Variants in SLC22A31 observed in about 807,000 individuals in gnomAD.
SLC22A31 encodes putative solute carrier family 22 member 31.
Under a neutral mutation model 27.4 loss-of-function variants are expected in SLC22A31, and 42 were observed. That is an observed-to-expected ratio of 1.53 (90% CI 1.20 to 1.98). The LOEUF is 1.98. SLC22A31 is among the 30% of genes most tolerant of loss of function. The pLI is 0.00. For synonymous variants in SLC22A31, 290 were observed against 230.8 expected, an observed-to-expected ratio of 1.26 and a Z score of -2.33; for missense variants, 593 against 479.9, an observed-to-expected ratio of 1.24 and a Z score of -2.20.
rs1916372449 is a variant in SLC22A31, at chr16:89,199,772, C to G, written c.69G>C (p.Gln23His). Residue 23 changes from glutamine to histidine, a missense_variant, in exon 2 of 9, where the codon CAG (glutamine) becomes CAC (histidine). By Grantham distance (24) the Gln-to-His change is conservative. Coordinates refer to ENST00000682282, the MANE Select transcript of SLC22A31 (RefSeq NM_001384763.1). ...CGDGWKVPLE[Q>H]VSHLLGWLLG... ...GCAGCCAGCCCAGGAGGTGGCTCAC[C>G]TGCTCCAGCGGGACCTTCCAGCCGT... 4.9e-6 allele frequency: 2 copies of G among 404,056 alleles called. No homozygotes were observed. Among genetic ancestry groups the G allele is most frequent in the African/African-American group, 4.1e-5 (2 of 48,714 alleles). The allele number at this position is 404,056 out of a possible 1,614,324, so 25.0% of individuals were successfully genotyped here.
chr16:89,199,060 C>T lies in SLC22A31; in HGVS notation c.415G>A (p.Gly139Ser). ...VQDWRLLQGL[G>S]ALMSGLLLLF... Reference sequence around the variant, plus strand: ...AGCAAGAGTCCACTCATCAGGGCACCCAGCCCCTGCAGAAGACGCCAGTCC... The same window carrying T: ...AGCAAGAGTCCACTCATCAGGGCACTCAGCCCCTGCAGAAGACGCCAGTCC... The change falls in exon 4 of 9, where the codon GGT (glycine) becomes AGT (serine). Residue 139 changes from glycine (G) to serine (S), a missense_variant. Coordinates refer to ENST00000682282, the MANE Select transcript of SLC22A31 (RefSeq NM_001384763.1). 3 of 1,535,596 alleles carry T rather than the reference C, an allele frequency of 2.0e-6. No homozygotes were observed. Among genetic ancestry groups the T allele is most frequent in the South Asian group, 1.2e-5 (1 of 84,038 alleles).
Position 89,198,504 on chromosome 16 carries a change from G to T in SLC22A31, c.645C>A (p.Ser215=), listed in dbSNP as rs1396159711. 5.3e-6 allele frequency: 8 copies of T among 1,516,056 alleles called. No individual in the cohort carries two copies. Among genetic ancestry groups the T allele is most frequent in the South Asian group, 1.2e-5 (1 of 81,422 alleles). The allele number at this position is 1,516,056 out of a possible 1,614,324, so 93.9% of individuals were successfully genotyped here. ...SARSPQPRYH[S]PLGLLRTRVT... ...CTCGGGTACGCAGAAGCCCCAGTGGGGAGTGGTACCGGGGCTGGGGGCTCC... is the reference window on the plus strand; with the variant it reads ...CTCGGGTACGCAGAAGCCCCAGTGGTGAGTGGTACCGGGGCTGGGGGCTCC... Residue 215 remains serine, a synonymous_variant, in exon 6 of 9, where the codon TCC becomes TCA. Transcript: ENST00000682282.
At chr16:89,197,913 G>T (rs762427386) in intron 7 of SLC22A31, among the ~76,000 whole-genome samples, 1 of 152,244 alleles carries the variant, frequency 6.6e-6, no homozygotes, top group African/African-American at 2.4e-5. Context: ...GCTGGGGCAG[G>T]TGTTTTAGGC....
rs1173669389 is a variant in SLC22A31 at position 89,196,016 on chromosome 16, T to G, written c.1324A>C (p.Thr442Pro). 6.6e-7 allele frequency: 1 copy of G among 1,513,344 alleles called. No individual in the cohort carries two copies. Among genetic ancestry groups the G allele is most frequent in the East Asian group, 2.5e-5 (1 of 40,616 alleles). 93.7% of individuals were successfully genotyped at this position (1,513,344 alleles called of 1,614,324 possible). A position where few individuals can be genotyped will look rare whatever the true frequency, so the allele number is the denominator to read the frequency against. ...AGGCAGGACTAGTGCTGCTCGGGGG[T>G]GTGGCCGGCCCAGTAGGAGTTGGAG... is the stretch of plus-strand genomic sequence containing the variant. ...PPSNSYWAGH[T>P]PEQH Residue 442 changes from threonine (T) to proline (P), a missense_variant, in exon 9 of 9, where the codon ACC becomes CCC. Thr to Pro is a conservative substitution (Grantham distance 38, BLOSUM62 -1). Coordinates refer to ENST00000682282, the MANE Select transcript of SLC22A31 (RefSeq NM_001384763.1).
At position 89,198,705 on chromosome 16, in the gene SLC22A31, G is replaced by C. The variant is rs1180457683; in HGVS notation, c.545C>G (p.Ala182Gly). Residue 182 changes from alanine (A) to glycine (G), a missense_variant, in exon 5 of 9, where the codon GCC becomes GGC. Coordinates refer to ENST00000682282, the MANE Select transcript of SLC22A31 (RefSeq NM_001384763.1). ...ACTGTCCCCGGGGCCCACGCCACTGGCTTCTGCAAAGCGCCACAGGATCTT... is the reference window on the plus strand; with the variant it reads ...ACTGTCCCCGGGGCCCACGCCACTGCCTTCTGCAAAGCGCCACAGGATCTT... ...ARKILWRFAE[A>G]SGVGPGDSSL... 1.0e-5 allele frequency: 16 copies of C among 1,535,666 alleles called. No homozygotes were observed. The highest frequency in any genetic ancestry group is 1.4e-5 in the Non-Finnish European group (16 of 1,146,796).
At position 89,198,496 on chromosome 16, in the gene SLC22A31, C is replaced by T. The variant is rs1916199696; in HGVS notation, c.653G>A (p.Gly218Glu). The T allele has an allele frequency of 6.6e-7, 1 of 1,518,334 alleles. No homozygotes were observed. Among genetic ancestry groups the T allele is most frequent in the African/African-American group, 1.4e-5 (1 of 72,656 alleles). The allele number at this position is 1,518,334 out of a possible 1,614,324, so 94.1% of individuals were successfully genotyped here. The change falls in exon 6 of 9, where the codon GGG becomes GAG. Residue 218 changes from glycine (G) to glutamate (E), a missense_variant. By Grantham distance (98) the Gly-to-Glu change is moderately conservative. Transcript: ENST00000682282. Reference sequence around the variant, plus strand: ...CCAGGTGACTCGGGTACGCAGAAGCCCCAGTGGGGAGTGGTACCGGGGCTG... The same window carrying T: ...CCAGGTGACTCGGGTACGCAGAAGCTCCAGTGGGGAGTGGTACCGGGGCTG... Reference protein sequence around the residue: ...SPQPRYHSPLGLLRTRVTWRN... With the variant: ...SPQPRYHSPLELLRTRVTWRN...
chr16:89,199,219 G>C, intron 3 of SLC22A31, 28 bp from the exon 4 acceptor site: 1 of 1,506,022 alleles, frequency 6.6e-7, no homozygotes, highest in Non-Finnish European at 8.8e-7. Context: ...GGTTGAAGTG[G>C]AGGCCTCGGG....
rs951174170 is a variant in SLC22A31, at chr16:89,199,507, A to G, written c.189T>C (p.Ser63=). The change falls in exon 3 of 9, where the codon AGT becomes AGC. Residue 63 remains serine (S), a synonymous_variant. Transcript: ENST00000682282. The part of the protein sequence containing the change: ...SLVLTTGLGA[S]EALAASFPTL... ...TAGGGAAGCTGGCAGCCAGGGCCTCACTGGCCCCCAGGCCTGTGGTCAGCA... is the reference window on the plus strand; with the variant it reads ...TAGGGAAGCTGGCAGCCAGGGCCTCGCTGGCCCCCAGGCCTGTGGTCAGCA... 4 of 497,000 alleles carry G rather than the reference A, an allele frequency of 8.0e-6. No individual in the cohort carries two copies. Among genetic ancestry groups the G allele is most frequent in the Non-Finnish European group, 1.1e-5 (3 of 277,984 alleles). 30.8% of individuals were successfully genotyped at this position (497,000 alleles called of 1,614,324 possible). A position where few individuals can be genotyped will look rare whatever the true frequency, so the allele number is the denominator to read the frequency against.
At position 89,196,073 on chromosome 16, in the gene SLC22A31, G is replaced by GGCGGCCCCGCAGGAGTGGGGA; in HGVS notation, c.1246_1266dup (p.Ser416_Arg422dup). On this transcript the variant is annotated inframe_insertion, in exon 9 of 9. Transcript: ENST00000682282. ...AGCAGAGGCAGGTGGTCCTGGCGGG[G>GGCGGCCCCGCAGGAGTGGGGA]GCGGCCCCGCAGGAGTGGGGAGCGG... is the stretch of plus-strand genomic sequence containing the variant. 1 of 1,531,872 alleles carries GGCGGCCCCGCAGGAGTGGGGA rather than the reference G, an allele frequency of 6.5e-7. No individual in the cohort carries two copies. Among genetic ancestry groups the GGCGGCCCCGCAGGAGTGGGGA allele is most frequent in the Non-Finnish European group, 8.7e-7 (1 of 1,145,312 alleles). The allele number at this position is 1,531,872 out of a possible 1,614,324, so 94.9% of individuals were successfully genotyped here.
Position 89,199,696 on chromosome 16 carries a change from A to G in SLC22A31, c.128+17T>C. The G allele has an allele frequency of 2.5e-6, 1 of 405,906 alleles. No homozygotes were observed. Among genetic ancestry groups the G allele is most frequent in the Middle Eastern group, 3.2e-4 (1 of 3,132 alleles). 25.1% of individuals were successfully genotyped at this position (405,906 alleles called of 1,614,324 possible). ...GGGGAGGGCTGCTGGGCAGCAGGAA[A>G]AGGGAAGGGGCCTCACCGGTCACAG... On this transcript the variant is annotated intron_variant, in intron 2 of 8. Transcript: ENST00000682282.
intron 7 of SLC22A31, among the ~76,000 whole-genome samples, chr16:89,197,659 A>C (rs1916091328): frequency 6.6e-6 from 1 of 152,298 alleles, no homozygotes. Flanking sequence ...ACTCGGGCCC[A>C]CGCTCAGCTA....
intron 8 of SLC22A31, 177 bp from the exon 9 acceptor site, chr16:89,196,482 G>A (rs1915936506): frequency 1.7e-6 from 2 of 1,210,354 alleles, no homozygotes; most frequent in South Asian, 1.6e-5. Flanking sequence ...GGGAGAGAGT[G>A]CGTTGGGGGC....
At chr16:89,199,603 A>G (rs1385468368) in intron 2 of SLC22A31, 36 bp from the exon 3 acceptor site, 2 of 423,600 alleles carry the variant, frequency 4.7e-6, no homozygotes, top group African/African-American at 2.0e-5. Context: ...GGACAGGGTC[A>G]GGATAACCCA....
rs965441450 is a variant in SLC22A31 at position 89,199,455 on chromosome 16, C to T, written c.241G>A (p.Gly81Arg). The T allele has an allele frequency of 2.1e-5, 11 of 535,212 alleles. No homozygotes were observed. Among genetic ancestry groups the T allele is most frequent in the Admixed American group, 9.6e-5 (3 of 31,106 alleles). The allele number at this position is 535,212 out of a possible 1,614,324, so 33.2% of individuals were successfully genotyped here. The change falls in exon 3 of 9, where the codon GGG becomes AGG. Residue 81 changes from glycine to arginine, a missense_variant. Physicochemically the swap from Gly to Arg is moderately radical, Grantham distance 125. Transcript: ENST00000682282. ...AGGAGGGCCCCTGCCAATGTGCCCC[C>T]GTGGAGTAGGCGCAGGACCAGCAGG... ...PTLLVLRLLH[G>R]GTLAGALLAL...
chr16:89,199,948 A>G, intron 1 of SLC22A31, 132 bp from the exon 2 acceptor site: 1 of 398,924 alleles, frequency 2.5e-6, no homozygotes, highest in Non-Finnish European at 4.4e-6. Context: ...AGAAGGGGAA[A>G]CTGAGGCATG....
At position 89,199,511 on chromosome 16, in the gene SLC22A31, GC is replaced by G; in HGVS notation, c.184del (p.Ala62ProfsTer80). 1 of 494,738 alleles carries G rather than the reference GC, an allele frequency of 2.0e-6. No individual in the cohort carries two copies. Among genetic ancestry groups the G allele is most frequent in the Non-Finnish European group, 3.6e-6 (1 of 276,712 alleles). 30.6% of individuals were successfully genotyped at this position (494,738 alleles called of 1,614,324 possible). On this transcript the variant is annotated frameshift_variant, in exon 3 of 9. Transcript: ENST00000682282. LOFTEE classifies it high-confidence loss of function. ...GAAGCTGGCAGCCAGGGCCTCACTG[GC>G]CCCCAGGCCTGTGGTCAGCACCAGG... The part of the protein sequence containing the change: ...ASLVLTTGLG[A>X]SEALAASFPT...
At position 89,196,175 on chromosome 16, in the gene SLC22A31, G is replaced by C. The variant is rs1314580174; in HGVS notation, c.1165C>G (p.Leu389Val). Residue 389 changes from leucine (L) to valine (V), a missense_variant, in exon 9 of 9, where the codon CTG (leucine) becomes GTG (valine). Transcript: ENST00000682282. ...TCAGGCAGCAGCAGGACACACAGCA[G>C]GGCAAGGACAGCAAGGGAGGCGAAG... The part of the protein sequence containing the change: ...VVFASLAVLA[L>V]LCVLLLPESR... 1 of 1,535,228 alleles carries C rather than the reference G, an allele frequency of 6.5e-7. No homozygotes were observed. Among genetic ancestry groups the C allele is most frequent in the African/African-American group, 1.4e-5 (1 of 73,136 alleles).
chr16:89,197,989 G>T, intron 7 of SLC22A31, 133 bp downstream of exon 7: 1 of 981,014 alleles, frequency 1.0e-6, no homozygotes, highest in Non-Finnish European at 1.5e-6. Flanking sequence ...AAGGATCAGA[G>T]GAAAACAAAC....
At chr16:89,199,871 G>T in intron 1 of SLC22A31, 55 bp from the exon 2 acceptor site, 1 of 401,208 alleles carries the variant, frequency 2.5e-6, no homozygotes, top group South Asian at 1.3e-4. Context: ...CCTGGGGACA[G>T]GTGCAGGGAG....
Sources: allele counts gnomAD v4.1 joint callset (sites outside exome capture counted in the v4.1 genomes callset), GRCh38; gene constraint gnomAD v4.1.1; transcripts MANE v1.5; gene names NCBI Gene and HGNC (gene_info 2026-07-23, HGNC 2026-07-21).